The following SKAP2 variants were observed in gnomAD, a reference collection of about 807,000 sequenced individuals.
SKAP2 encodes src kinase-associated phosphoprotein 2.
SKAP2 carries 28 observed loss-of-function variants against 54.9 expected under a neutral mutation model. That is an observed-to-expected ratio of 0.51 (90% CI 0.38 to 0.70). The LOEUF (loss-of-function observed/expected upper bound fraction) is 0.70, where lower values mean the gene tolerates loss of function less well. SKAP2 is among the 30% of genes least tolerant of loss of function. The pLI, the probability that SKAP2 is intolerant of heterozygous loss-of-function variation, is 0.00. For missense variants in SKAP2, 356 were observed against 424.1 expected (o/e 0.84, Z 1.41); for synonymous variants, 137 against 134.3 (o/e 1.02, Z -0.14).
At chr7:26,802,348 T>C (rs10249824) in intron 4 of SKAP2, among the ~76,000 whole-genome samples, 44,611 of 148,490 alleles carry the variant, frequency 0.3, 6,967 homozygotes, top group Middle Eastern at 0.38. Flanking sequence ...CTCAGCTCAC[T>C]GCAACCTCCG....
Position 26,844,040 on chromosome 7 carries a change from G to A in SKAP2, c.297C>T (p.Ala99=), listed in dbSNP as rs1481126487. Residue 99 remains alanine (A), a synonymous_variant, in exon 4 of 13, where the codon GCC becomes GCT. Coordinates refer to ENST00000345317, the MANE Select transcript of SKAP2 (RefSeq NM_003930.5). The stretch of plus-strand genomic sequence containing the variant: ...GAAAATGTCACATACCATCAGAGGG[G>A]GCTTCATCGTCTTTATCATATCGTT... ...ASERYDKDDE[A]PSDGAQFPPI... 5 of 1,600,490 alleles carry A rather than the reference G, an allele frequency of 3.1e-6. No individual in the cohort carries two copies. In the Admixed American group the frequency reaches 8.3e-5, roughly 27 times the overall value.
intron 4 of SKAP2, among the ~76,000 whole-genome samples, chr7:26,817,721 TAA>T (rs1188941218): frequency 1.3e-5 from 2 of 152,196 alleles, no homozygotes; most frequent in East Asian, 1.9e-4. Flanking sequence ...CTCAAGCTGA[TAA>T]GCAACTTCAG....
intron 3 of SKAP2, among the ~76,000 whole-genome samples, chr7:26,849,898 T>C (rs1301524145): frequency 1.3e-5 from 2 of 152,192 alleles, no homozygotes; most frequent in African/African-American, 4.8e-5. Flanking sequence ...TTAATATTTA[T>C]TAAACACCTA....
At chr7:26,830,965 A>G (rs1194265854) in intron 4 of SKAP2, among the ~76,000 whole-genome samples, 1 of 151,936 alleles carries the variant, frequency 6.6e-6, no homozygotes, top group Non-Finnish European at 1.5e-5. Flanking sequence ...TGGATTTGTT[A>G]TTGTCTTTAG....
At chr7:26,816,233 G>A (rs1486855327) in intron 4 of SKAP2, among the ~76,000 whole-genome samples, 2 of 152,048 alleles carry the variant, frequency 1.3e-5, no homozygotes, top group Admixed American at 1.3e-4. Flanking sequence ...GTAGATAAAA[G>A]ATAAGTGCAT....
chr7:26,732,526 C>T (rs115710024), intron 6 of SKAP2, among the ~76,000 whole-genome samples: 2,624 of 152,202 alleles, frequency 0.017, 67 homozygotes, highest in African/African-American at 0.058. Context: ...GGCTAGCAAA[C>T]AAAAATATGA....
At chr7:26,691,285 T>C (rs1468028601) in intron 9 of SKAP2, among the ~76,000 whole-genome samples, 2 of 152,182 alleles carry the variant, frequency 1.3e-5, no homozygotes, top group African/African-American at 2.4e-5. Flanking sequence ...CTTAATAAAC[T>C]AATTCATTTA....
Position 26,760,549 on chromosome 7 carries a change from C to A in SKAP2, c.308-20585G>T, listed in dbSNP as rs571047800. Reference sequence around the variant, plus strand: ...GGTCTGATTTATAATTTAGGCACTGCAAAAGAATAACAACAATTAATAATA... The same window carrying A: ...GGTCTGATTTATAATTTAGGCACTGAAAAAGAATAACAACAATTAATAATA... On this transcript the variant is annotated intron_variant, in intron 4 of 12. Coordinates refer to ENST00000345317, the MANE Select transcript of SKAP2 (RefSeq NM_003930.5). Among the ~76,000 whole-genome samples, 7 of 152,016 alleles carry A rather than the reference C, an allele frequency of 4.6e-5. No individual in the cohort carries two copies. The South Asian group carries it at 1.5e-3, about 32-fold the overall frequency.
At chr7:26,704,161 C>T (rs1280071927) in intron 9 of SKAP2, among the ~76,000 whole-genome samples, 1 of 152,164 alleles carries the variant, frequency 6.6e-6, no homozygotes, top group Non-Finnish European at 1.5e-5. Flanking sequence ...AAATAGTGTA[C>T]ACTGCTGAAA....
chr7:26,678,599 C>T (rs1786410681), intron 11 of SKAP2, among the ~76,000 whole-genome samples: 2 of 151,938 alleles, frequency 1.3e-5, no homozygotes, highest in African/African-American at 4.8e-5. Context: ...CACCACCACG[C>T]CCAGGTAATT....
In SKAP2 at chr7:26,849,202, T is replaced by C. The variant is rs181934091; in HGVS notation, c.199+4935A>G. Among the ~76,000 whole-genome samples the C allele has an allele frequency of 2.6e-5, 4 of 152,326 alleles. No individual in the cohort carries two copies. The East Asian group carries it at 7.7e-4, about 29-fold the overall frequency. ...GCTATTCTTAGTCCATTAATAAACT[T>C]AAGAAACAGCATGAGTGAGAAGGTC... On this transcript the variant is annotated intron_variant, in intron 3 of 12. Transcript: ENST00000345317.
Position 26,806,547 on chromosome 7 carries a change from G to A in SKAP2, c.307+37483C>T, listed in dbSNP as rs577325158. Among the ~76,000 whole-genome samples, 8 of 152,302 alleles carry A rather than the reference G, an allele frequency of 5.3e-5. No individual in the cohort carries two copies. In the East Asian group the frequency reaches 1.2e-3, roughly 22 times the overall value. On this transcript the variant is annotated intron_variant, in intron 4 of 12. Transcript: ENST00000345317. ...AACAAACAAAGCTAGAAATGATTAA[G>A]CTTGGTAAGAAATTCATGTTGAAAG... is the stretch of plus-strand genomic sequence containing the variant.
At chr7:26,736,856 C>A (rs1787954151) in intron 6 of SKAP2, among the ~76,000 whole-genome samples, 1 of 151,830 alleles carries the variant, frequency 6.6e-6, no homozygotes, top group African/African-American at 2.4e-5. Context: ...GATGGCACCA[C>A]TGCACTCCAG....
chr7:26,655,011 A>G, the SKAP2 span, among the ~76,000 whole-genome samples: 1 of 152,196 alleles, frequency 6.6e-6, no homozygotes, highest in Admixed American at 6.5e-5. Context: ...GTGGTAAAGC[A>G]TGTGGCAGTC....
chr7:26,842,740 C>T (rs1006954153), intron 4 of SKAP2, among the ~76,000 whole-genome samples: 3 of 151,630 alleles, frequency 2.0e-5, no homozygotes, highest in African/African-American at 7.3e-5. Context: ...CATTGTTTTG[C>T]CTGAAAATAT....
chr7:26,849,677 A>G (rs1414163759), intron 3 of SKAP2, among the ~76,000 whole-genome samples: 2 of 134,114 alleles, frequency 1.5e-5, no homozygotes, highest in Admixed American at 7.9e-5. Context: ...ACAGAGTGAG[A>G]CTCCATCTCA....
chr7:26,671,802 A>G (rs1786249267), intron 11 of SKAP2, among the ~76,000 whole-genome samples: 1 of 152,056 alleles, frequency 6.6e-6, no homozygotes, highest in Admixed American at 6.6e-5. Flanking sequence ...TATGTAGGAC[A>G]TATTTATCAG....
At chr7:26,845,441 T>C (rs999781401) in intron 3 of SKAP2, among the ~76,000 whole-genome samples, 3 of 152,212 alleles carry the variant, frequency 2.0e-5, no homozygotes, top group Non-Finnish European at 4.4e-5. Context: ...GGGCAGAACA[T>C]AGAGATGGCT....
intron 4 of SKAP2, among the ~76,000 whole-genome samples, chr7:26,842,577 T>C (rs1452484658): frequency 3.3e-5 from 5 of 152,000 alleles, no homozygotes; most frequent in Non-Finnish European, 7.4e-5. Flanking sequence ...TATGTCTATA[T>C]AGTCTATGAA....
Sources: allele counts gnomAD v4.1 joint callset (sites outside exome capture counted in the v4.1 genomes callset), GRCh38; gene constraint gnomAD v4.1.1; transcripts MANE v1.5; gene names NCBI Gene and HGNC (gene_info 2026-07-23, HGNC 2026-07-21).